The following TAPBPL variants were observed in gnomAD, a reference collection of about 807,000 sequenced individuals.
TAPBPL encodes tapasin-related protein.
A neutral mutation model predicts 44.8 loss-of-function variants in TAPBPL; 32 were observed. That is an observed-to-expected ratio of 0.71 (90% CI 0.54 to 0.96). The LOEUF is 0.96. TAPBPL is among the 40% of genes least tolerant of loss of function. The probability of loss-of-function intolerance (pLI) is 0.00; values close to 1 mark genes in which losing one functional copy is unlikely to be tolerated. For synonymous variants in TAPBPL, 230 were observed against 240.7 expected (o/e 0.96, Z 0.41); for missense variants, 520 against 586.6 (o/e 0.89, Z 1.17).
intron 3 of TAPBPL, among the ~76,000 whole-genome samples, chr12:6,454,753 T>G (rs1273659199): frequency 6.6e-6 from 1 of 152,168 alleles, no homozygotes; most frequent in Non-Finnish European, 1.5e-5. Context: ...TTCATGATCT[T>G]ATTAGTAAAC....
downstream of TAPBPL, chr12:6,462,774 G>A: frequency 6.5e-7 from 1 of 1,540,934 alleles, no homozygotes; most frequent in Non-Finnish European, 8.8e-7. Context: ...GCCCAGAGGA[G>A]AGTGGAGACC....
intron 1 of TAPBPL, 69 bp downstream of exon 1, chr12:6,452,381 C>T (rs570972025): frequency 1.3e-6 from 2 of 1,526,602 alleles, no homozygotes; most frequent in African/African-American, 1.4e-5. Context: ...CCACCCTCCC[C>T]GAGATTCCAG....
At chr12:6,458,242 G>A (rs181321385) in intron 4 of TAPBPL, among the ~76,000 whole-genome samples, 1 of 152,292 alleles carries the variant, frequency 6.6e-6, no homozygotes, top group East Asian at 1.9e-4. Context: ...TAGGCATGGT[G>A]GTGCGCGCCT....
chr12:6,464,484 AGACTG>A, downstream of TAPBPL: 1 of 1,532,380 alleles, frequency 6.5e-7, no homozygotes, highest in Non-Finnish European at 8.8e-7. Context: ...GTAAAAAAGT[AGACTG>A]GACACAGGAA....
chr12:6,465,937 GCT>G (rs779194127), downstream of TAPBPL: 1 of 1,614,264 alleles, frequency 6.2e-7, no homozygotes, highest in Non-Finnish European at 8.5e-7. Flanking sequence ...CGGTCATCCA[GCT>G]CTGACAGCTT....
chr12:6,460,951 G>A lies in TAPBPL; in HGVS notation c.1291+13G>A, dbSNP rs780894810. 1 of 1,614,016 alleles carries A rather than the reference G, an allele frequency of 6.2e-7. No homozygotes were observed. Among genetic ancestry groups the A allele is most frequent in the Admixed American group, 1.7e-5 (1 of 60,024 alleles). The stretch of plus-strand genomic sequence containing the variant: ...CAGAGACGGCAAGGTAAGAGCCTGG[G>A]TGCCCTTGGCTCTGGCCCTGGCCCA... On this transcript the variant is annotated intron_variant, in intron 6 of 6. Coordinates refer to ENST00000266556, the MANE Select transcript of TAPBPL (RefSeq NM_018009.5).
Position 6,453,859 on chromosome 12 carries a change from A to G in TAPBPL, c.565+143A>G, listed in dbSNP as rs1949632853. 8.8e-7 allele frequency: 1 copy of G among 1,137,052 alleles called. No homozygotes were observed. Among genetic ancestry groups the G allele is most frequent in the Non-Finnish European group, 1.2e-6 (1 of 835,720 alleles). 70.4% of individuals were successfully genotyped at this position (1,137,052 alleles called of 1,614,324 possible). A position where few individuals can be genotyped will look rare whatever the true frequency, so the allele number is the denominator to read the frequency against. On this transcript the variant is annotated intron_variant, in intron 3 of 6. Transcript: ENST00000266556. The surrounding 1 kb of genome is among the most constrained non-coding windows in gnomAD (Gnocchi z 4.8). ...ACGGTGAAACCCCGTCTCTACTAAT[A>G]CCAAAATTAGCCGGGCATGGTGGCG...
downstream of TAPBPL, among the ~76,000 whole-genome samples, chr12:6,469,855 C>T (rs1055819606): frequency 6.6e-6 from 1 of 152,186 alleles, no homozygotes; most frequent in African/African-American, 2.4e-5. Flanking sequence ...CTCCCTATTT[C>T]TCCTCCAACT....
At position 6,458,936 on chromosome 12, in the gene TAPBPL, T is replaced by C. The variant is rs775466902; in HGVS notation, c.1196T>C (p.Val399Ala). Residue 399 changes from valine (V) to alanine (A), a missense_variant, in exon 5 of 7, where the codon GTT becomes GCT. Coordinates refer to ENST00000266556, the MANE Select transcript of TAPBPL (RefSeq NM_018009.5). ...GAGCCCCTTGGGGCCAGCACCCAGGTTGTCCCACCAGGTACTGGGAGTGTC... is the reference window on the plus strand; with the variant it reads ...GAGCCCCTTGGGGCCAGCACCCAGGCTGTCCCACCAGGTACTGGGAGTGTC... ...LEEPLGASTQVVPPERRTALG... is the reference protein window; with the variant it reads ...LEEPLGASTQAVPPERRTALG... The C allele has an allele frequency of 5.6e-6, 9 of 1,613,748 alleles. No homozygotes were observed. Among genetic ancestry groups the C allele is most frequent in the Middle Eastern group, 1.7e-4 (1 of 6,050 alleles).
chr12:6,456,696 A>C (rs2136984644), intron 3 of TAPBPL, among the ~76,000 whole-genome samples: 1 of 151,694 alleles, frequency 6.6e-6, no homozygotes, highest in East Asian at 1.9e-4. Flanking sequence ...CTCGTCGCCC[A>C]GACTGGAGTG....
downstream of TAPBPL, chr12:6,465,213 C>T (rs557901250): frequency 6.1e-6 from 3 of 490,434 alleles, no homozygotes; most frequent in Non-Finnish European, 1.1e-5. Context: ...CTTTAGAAGG[C>T]ATTCCAATAG....
At chr12:6,455,996 G>A (rs191462286) in intron 3 of TAPBPL, among the ~76,000 whole-genome samples, 17 of 152,204 alleles carry the variant, frequency 1.1e-4, no homozygotes, top group Admixed American at 7.2e-4. Context: ...CTGACCTCAG[G>A]TGATCCACCC....
At chr12:6,467,799 G>A (rs1252427732), downstream of TAPBPL, among the ~76,000 whole-genome samples, 1 of 152,240 alleles carries the variant, frequency 6.6e-6, no homozygotes, top group Admixed American at 6.5e-5. Flanking sequence ...TTAGTGCCCT[G>A]TGTCCCAGCC....
At chr12:6,467,642 A>G (rs1945661203), downstream of TAPBPL, among the ~76,000 whole-genome samples, 1 of 152,280 alleles carries the variant, frequency 6.6e-6, no homozygotes, top group Non-Finnish European at 1.5e-5. Context: ...ACCTAGTGTT[A>G]GCCCCTAAGA....
downstream of TAPBPL, chr12:6,470,796 G>A (rs1592153924): frequency 3.7e-6 from 2 of 536,546 alleles, no homozygotes; most frequent in Non-Finnish European, 6.7e-6. Context: ...GGCCTAGCCC[G>A]CCCCGCCCCT....
chr12:6,452,137 C>A lies in TAPBPL; in HGVS notation c.-112C>A. Reference sequence around the variant, plus strand: ...AGGGAACAGGGAAGAAACCTAAAGGCTGCAGGCTGCCAGGTGTGCTTGGAG... The same window carrying A: ...AGGGAACAGGGAAGAAACCTAAAGGATGCAGGCTGCCAGGTGTGCTTGGAG... On this transcript the variant is annotated 5_prime_UTR_variant, in exon 1 of 7. It adds an upstream start codon to the 5' untranslated region. Transcript: ENST00000266556. The A allele has an allele frequency of 7.7e-7, 1 of 1,306,796 alleles. No individual in the cohort carries two copies. The highest frequency in any genetic ancestry group is 1.1e-6 in the Non-Finnish European group (1 of 928,104). The allele number at this position is 1,306,796 out of a possible 1,614,324, so 81.0% of individuals were successfully genotyped here.
chr12:6,466,314 CT>C, downstream of TAPBPL: 2 of 1,614,074 alleles, frequency 1.2e-6, no homozygotes, highest in East Asian at 4.5e-5. Flanking sequence ...GGGGCAGTCC[CT>C]TCTGTCCCTT....
chr12:6,462,546 G>A, downstream of TAPBPL: 1 of 522,306 alleles, frequency 1.9e-6, no homozygotes, highest in Non-Finnish European at 3.4e-6. Context: ...ACACACAGAA[G>A]AGGGTACAGG....
rs1949634578 is a variant in TAPBPL at position 6,453,923 on chromosome 12, G to A, written c.565+207G>A. 6.6e-6 allele frequency among the ~76,000 whole-genome samples: 1 copy of A among 151,066 alleles called. No individual in the cohort carries two copies. Among genetic ancestry groups the A allele is most frequent in the South Asian group, 2.1e-4 (1 of 4,728 alleles). ...CCAGCTACGAGGGAGGCTGAGGCAG[G>A]AGAATCGCTTGAACCCGGAAGGCAG... is the stretch of plus-strand genomic sequence containing the variant. On this transcript the variant is annotated intron_variant, in intron 3 of 6. Coordinates refer to ENST00000266556, the MANE Select transcript of TAPBPL (RefSeq NM_018009.5). This position sits in a 1 kb window ranked among gnomAD's most constrained non-coding sequence, Gnocchi z 4.8.
Sources: allele counts gnomAD v4.1 joint callset (sites outside exome capture counted in the v4.1 genomes callset), GRCh38; gene constraint gnomAD v4.1.1; non-coding constraint Gnocchi (gnomAD v3.1); transcripts MANE v1.5; gene names NCBI Gene and HGNC (gene_info 2026-07-23, HGNC 2026-07-21).